Variants in LMBR1 observed in about 807,000 individuals in gnomAD.
LMBR1 encodes limb development membrane protein 1.
In LMBR1, 52 loss-of-function variants were observed where a neutral mutation model predicts 73.9. The ratio of observed to expected loss-of-function variants is 0.70; its 90% CI spans 0.56 to 0.89. The LOEUF is 0.89. Among genes scored for constraint, LMBR1 ranks in the 40% least tolerant of loss-of-function variants. LMBR1 has a pLI of 0.00. For missense variants in LMBR1, 539 were observed against 579.8 expected, an observed-to-expected ratio of 0.93 and a Z score of 0.72; for synonymous variants, 215 against 209.4, an observed-to-expected ratio of 1.03 and a Z score of -0.23.
At chr7:156,675,681 CCG>C (rs201702641), downstream of LMBR1, 2 of 1,600,754 alleles carry the variant, frequency 1.2e-6, no homozygotes, top group African/African-American at 1.3e-5. Context: ...TTACCCGCCC[CCG>C]CCTCCTCCTC....
chr7:156,832,508 T>C (rs1359142644), intron 3 of LMBR1, among the ~76,000 whole-genome samples: 2 of 152,236 alleles, frequency 1.3e-5, no homozygotes, highest in African/African-American at 4.8e-5. Flanking sequence ...TCTGCTTTTA[T>C]CTATTCTGGA....
intron 15 of LMBR1, among the ~76,000 whole-genome samples, chr7:156,705,713 A>C (rs1810779525): frequency 6.6e-6 from 1 of 152,232 alleles, no homozygotes; most frequent in South Asian, 2.1e-4. Context: ...AAAGTCCTAA[A>C]TGTGGAAACA....
intron 8 of LMBR1, among the ~76,000 whole-genome samples, chr7:156,759,909 GACTGGC>G (rs983921023): frequency 1.3e-5 from 2 of 152,082 alleles, no homozygotes; most frequent in African/African-American, 4.8e-5. Context: ...AGCTAATTCC[GACTGGC>G]TATTTTAAAG....
At chr7:156,742,973 T>C (rs1362577015) in intron 9 of LMBR1, among the ~76,000 whole-genome samples, 2 of 152,162 alleles carry the variant, frequency 1.3e-5, no homozygotes, top group African/African-American at 4.8e-5. Context: ...ATACATCATA[T>C]CAATGGAATG....
At chr7:156,687,143 A>C (rs988774138) in intron 16 of LMBR1, among the ~76,000 whole-genome samples, 2 of 152,222 alleles carry the variant, frequency 1.3e-5, no homozygotes, top group African/African-American at 4.8e-5. Context: ...CATATCGTTT[A>C]AGTTATCTGA....
chr7:156,681,038 C>T lies in LMBR1; in HGVS notation c.*3040G>A. The T allele has an allele frequency of 5.2e-6, 2 of 384,590 alleles. No individual in the cohort carries two copies. Among genetic ancestry groups the T allele is most frequent in the Non-Finnish European group, 4.9e-6 (1 of 204,398 alleles). The allele number at this position is 384,590 out of a possible 1,614,324, so 23.8% of individuals were successfully genotyped here. ...GTTATTTTTAAAAGTTAACATTATACCAGTTTTTTCAAGTTTAAAAAGTCG... is the reference window on the plus strand; with the variant it reads ...GTTATTTTTAAAAGTTAACATTATATCAGTTTTTTCAAGTTTAAAAAGTCG... On this transcript the variant is annotated 3_prime_UTR_variant, in exon 17 of 17. Coordinates refer to ENST00000353442, the MANE Select transcript of LMBR1 (RefSeq NM_022458.4).
chr7:156,731,438 T>C (rs1448113066), intron 10 of LMBR1, among the ~76,000 whole-genome samples: 1 of 152,104 alleles, frequency 6.6e-6, no homozygotes, highest in Non-Finnish European at 1.5e-5. Context: ...TCAAGAAAGA[T>C]AAATACAAAG....
intron 5 of LMBR1, among the ~76,000 whole-genome samples, chr7:156,785,026 A>T: frequency 6.6e-6 from 1 of 152,358 alleles, no homozygotes. Context: ...TGAACTGTTA[A>T]AGTAAGAAGG....
intron 1 of LMBR1, among the ~76,000 whole-genome samples, chr7:156,869,858 T>C (rs1212331174): frequency 6.6e-6 from 1 of 152,152 alleles, no homozygotes; most frequent in Non-Finnish European, 1.5e-5. Context: ...TATACTTACA[T>C]TGGGAAAAAC....
intron 4 of LMBR1, chr7:156,823,873 AAGGTC>A (rs1333869939): frequency 1.3e-5 from 2 of 152,194 alleles, no homozygotes; most frequent in African/African-American, 4.8e-5. Flanking sequence ...GGCGGATCAC[AAGGTC>A]AGGAGATCGA....
At chr7:156,760,334 T>G (rs184719516) in intron 8 of LMBR1, among the ~76,000 whole-genome samples, 174 of 152,322 alleles carry the variant, frequency 1.1e-3, no homozygotes, top group African/African-American at 4.0e-3. Flanking sequence ...TCGTTTTATA[T>G]ACGTTGAGTT....
chr7:156,674,718 C>T (rs1170442814), downstream of LMBR1, among the ~76,000 whole-genome samples: 1 of 152,114 alleles, frequency 6.6e-6, no homozygotes, highest in Non-Finnish European at 1.5e-5. Flanking sequence ...GTACTGTATT[C>T]AATTAATAAA....
At chr7:156,677,198 C>T (rs1804228358), downstream of LMBR1, 1 of 152,366 alleles carries the variant, frequency 6.6e-6, no homozygotes, top group Admixed American at 6.5e-5. Flanking sequence ...AAAAGTGAAC[C>T]TTTTTGGATA....
intron 1 of LMBR1, among the ~76,000 whole-genome samples, chr7:156,857,411 G>C (rs1797123216): frequency 6.6e-6 from 1 of 152,116 alleles, no homozygotes; most frequent in South Asian, 2.1e-4. Context: ...GTAATAAGGG[G>C]TCAATTTTCC....
chr7:156,760,626 T>A (rs1257556649), intron 8 of LMBR1, among the ~76,000 whole-genome samples: 1 of 152,180 alleles, frequency 6.6e-6, no homozygotes, highest in Non-Finnish European at 1.5e-5. Flanking sequence ...AAAACCTCTT[T>A]ACAAGGGAAA....
At chr7:156,753,455 G>C (rs1821266647) in intron 9 of LMBR1, among the ~76,000 whole-genome samples, 1 of 152,130 alleles carries the variant, frequency 6.6e-6, no homozygotes, top group African/African-American at 2.4e-5. Flanking sequence ...CATCACATGA[G>C]CGGGTGGCAG....
At chr7:156,864,940 G>A (rs544226083) in intron 1 of LMBR1, among the ~76,000 whole-genome samples, 1 of 150,632 alleles carries the variant, frequency 6.6e-6, no homozygotes, top group East Asian at 2.0e-4. Context: ...AGGTTGCAGT[G>A]AGCCGAGGTC....
At chr7:156,841,546 A>G (rs1311809329) in intron 1 of LMBR1, among the ~76,000 whole-genome samples, 1 of 152,178 alleles carries the variant, frequency 6.6e-6, no homozygotes, top group Non-Finnish European at 1.5e-5. Flanking sequence ...AGCAGCAGTC[A>G]GCAAGGGAGG....
At chr7:156,881,674 A>G (rs1801108442) in intron 1 of LMBR1, among the ~76,000 whole-genome samples, 1 of 152,224 alleles carries the variant, frequency 6.6e-6, no homozygotes, top group Non-Finnish European at 1.5e-5. Flanking sequence ...AAGGACTTGA[A>G]TAAAGCATTT....
Sources: gnomAD v4.1 joint callset for allele counts (sites outside exome capture counted in the v4.1 genomes callset) on GRCh38, gnomAD v4.1.1 for gene constraint, MANE v1.5 for transcripts, NCBI Gene and HGNC (gene_info 2026-07-23, HGNC 2026-07-21) for gene names.